The following PTPRD variants were observed in gnomAD, a reference collection of about 807,000 sequenced individuals.
PTPRD encodes the protein receptor-type tyrosine-protein phosphatase delta.
In PTPRD, 34 loss-of-function variants were observed where a neutral mutation model predicts 214.5. The observed-to-expected ratio is 0.16, with a 90% CI of 0.12 to 0.21. The LOEUF (loss-of-function observed/expected upper bound fraction) is 0.21. Ranked by LOEUF, PTPRD falls within the 10% of genes least tolerant of loss-of-function variation. The pLI, the probability that PTPRD is intolerant of heterozygous loss-of-function variation, is 1.00. For missense variants in PTPRD, 2,545 were observed against 2,398.7 expected, an observed-to-expected ratio of 1.06 and a Z score of -1.27; for synonymous variants, 1,128 against 845.7, an observed-to-expected ratio of 1.33 and a Z score of -5.79.
intron 5 of PTPRD, among the ~76,000 whole-genome samples, chr9:9,809,540 AGGCGTGAGCCACTGCTCCCAGCAGG>A (rs1479567822): frequency 6.6e-6 from 1 of 152,218 alleles, no homozygotes; most frequent in African/African-American, 2.4e-5. Context: ...CTGGGATTAC[AGGCGTGAGCCACTGCTCCCAGCAGG>A]ATCAAGTGAT....
At chr9:8,801,242 T>A (rs959613301) in intron 11 of PTPRD, among the ~76,000 whole-genome samples, 1 of 152,180 alleles carries the variant, frequency 6.6e-6, no homozygotes, top group Non-Finnish European at 1.5e-5. Flanking sequence ...ACATAGTAAT[T>A]ACTGGTTCTC....
chr9:10,468,215 A>G (rs540652898), intron 2 of PTPRD, among the ~76,000 whole-genome samples: 2 of 152,306 alleles, frequency 1.3e-5, no homozygotes, highest in African/African-American at 4.8e-5. Flanking sequence ...TGTTTATTGC[A>G]GTACAATTCA....
At chr9:9,306,707 T>C (rs1220006699) in intron 9 of PTPRD, among the ~76,000 whole-genome samples, 1 of 152,156 alleles carries the variant, frequency 6.6e-6, no homozygotes, top group African/African-American at 2.4e-5. Context: ...TGCTATTGAA[T>C]GCATTCTTGG....
rs1046397145 is a variant in PTPRD, at chr9:9,766,817, C to T, written c.-333G>A. ...TATTTTAAATATACTCACCTTTGTC[C>T]AAGGCACATTCTGCTGTGGTCTCAG... On this transcript the variant is annotated 5_prime_UTR_variant, in exon 6 of 46. Transcript: ENST00000381196. 1.3e-5 allele frequency: 2 copies of T among 152,160 alleles called. No homozygotes were observed. Among genetic ancestry groups the T allele is most frequent in the Non-Finnish European group, 2.9e-5 (2 of 67,894 alleles). 9.4% of individuals were successfully genotyped at this position (152,160 alleles called of 1,614,324 possible). A position where few individuals can be genotyped will look rare whatever the true frequency, so the allele number is the denominator to read the frequency against.
At chr9:10,353,041 G>A (rs1159029978) in intron 2 of PTPRD, among the ~76,000 whole-genome samples, 2 of 151,910 alleles carry the variant, frequency 1.3e-5, no homozygotes, top group Non-Finnish European at 2.9e-5. Flanking sequence ...ATGGTAATTT[G>A]CCTTTTAACA....
chr9:9,579,983 T>C (rs1173418552), intron 7 of PTPRD, among the ~76,000 whole-genome samples: 1 of 152,156 alleles, frequency 6.6e-6, no homozygotes, highest in African/African-American at 2.4e-5. Flanking sequence ...GTTGTTTCAC[T>C]TAAGATGATG....
At chr9:8,996,381 G>T (rs187726781) in intron 11 of PTPRD, among the ~76,000 whole-genome samples, 1 of 152,030 alleles carries the variant, frequency 6.6e-6, no homozygotes, top group Non-Finnish European at 1.5e-5. Context: ...CAAGGGTTAC[G>T]TAATGGATGA....
intron 11 of PTPRD, among the ~76,000 whole-genome samples, chr9:8,906,530 A>G (rs1566936202): frequency 6.6e-6 from 1 of 152,238 alleles, no homozygotes; most frequent in Non-Finnish European, 1.5e-5. Context: ...GACGTACTAC[A>G]TTGTAAGAAA....
chr9:10,532,564 T>C (rs1202575419), intron 2 of PTPRD, among the ~76,000 whole-genome samples: 1 of 148,160 alleles, frequency 6.7e-6, no homozygotes, highest in Non-Finnish European at 1.5e-5. Context: ...AAAAGTCCTA[T>C]ATATATACAC....
intron 9 of PTPRD, among the ~76,000 whole-genome samples, chr9:9,250,125 C>T (rs1401913639): frequency 6.6e-6 from 1 of 152,048 alleles, no homozygotes; most frequent in African/African-American, 2.4e-5. Flanking sequence ...TGAACAGTCG[C>T]ATACATACAT....
At position 9,648,836 on chromosome 9, in the gene PTPRD, A is replaced by G. The variant is rs116815917; in HGVS notation, c.-286-74055T>C. Among the ~76,000 whole-genome samples, 383 of 152,294 alleles carry G rather than the reference A, an allele frequency of 2.5e-3. 1 individual carries two copies. The highest frequency in any genetic ancestry group is 8.8e-3 in the African/African-American group (366 of 41,560). On this transcript the variant is annotated intron_variant, in intron 7 of 45. Transcript: ENST00000381196. ...AAAGTTTAATGGCCCACACTCTCAA[A>G]TAAGCTGTAGATGGGAAACAGAAAA...
chr9:8,493,999 G>GACACAC (rs780088083), intron 26 of PTPRD, among the ~76,000 whole-genome samples: 151 of 141,988 alleles, frequency 1.1e-3, no homozygotes, highest in Middle Eastern at 3.6e-3. Context: ...GACACACACA[G>GACACAC]ACACACAGAC....
At chr9:8,666,699 CACTA>C (rs1377187192) in intron 12 of PTPRD, among the ~76,000 whole-genome samples, 1 of 152,172 alleles carries the variant, frequency 6.6e-6, no homozygotes, top group Non-Finnish European at 1.5e-5. Context: ...TTGTACAACA[CACTA>C]AACTCTATTA....
intron 10 of PTPRD, among the ~76,000 whole-genome samples, chr9:9,132,328 T>C (rs202015390): frequency 1.3e-5 from 2 of 152,096 alleles, no homozygotes; most frequent in East Asian, 1.9e-4. Context: ...GTTTTGAAGG[T>C]TGTGAATTTT....
chr9:9,045,467 G>A (rs1175896307), intron 10 of PTPRD, among the ~76,000 whole-genome samples: 1 of 152,110 alleles, frequency 6.6e-6, no homozygotes, highest in East Asian at 1.9e-4. Flanking sequence ...AACAATAAAA[G>A]CTATTGAAGA....
intron 2 of PTPRD, among the ~76,000 whole-genome samples, chr9:10,482,585 G>T (rs1009331149): frequency 6.6e-6 from 1 of 151,826 alleles, no homozygotes; most frequent in Non-Finnish European, 1.5e-5. Context: ...CCCTCAAAAA[G>T]ATTATGATTT....
Position 10,533,911 on chromosome 9 carries a change from G to GT in PTPRD, c.-600+78486dup, listed in dbSNP as rs1194012494. ...TAGTTTCACCTTTTTTTATTAGGAAGTTTTTTTTAATTAAAATTGCTCAGT... is the reference window on the plus strand; with the variant it reads ...TAGTTTCACCTTTTTTTATTAGGAAGTTTTTTTTTAATTAAAATTGCTCAGT... On this transcript the variant is annotated intron_variant, in intron 2 of 45. Coordinates refer to ENST00000381196, the MANE Select transcript of PTPRD (RefSeq NM_002839.4). Among the ~76,000 whole-genome samples the GT allele has an allele frequency of 5.3e-5, 8 of 151,162 alleles. No individual in the cohort carries two copies. In the East Asian group the frequency reaches 7.8e-4, roughly 15 times the overall value.
intron 2 of PTPRD, among the ~76,000 whole-genome samples, chr9:10,584,694 T>G (rs866388679): frequency 6.6e-6 from 1 of 152,134 alleles, no homozygotes; most frequent in East Asian, 1.9e-4. Flanking sequence ...CATATATCAG[T>G]AGAAATAAGT....
intron 10 of PTPRD, among the ~76,000 whole-genome samples, chr9:9,147,317 T>C (rs2099870270): frequency 6.6e-6 from 1 of 151,902 alleles, no homozygotes; most frequent in African/African-American, 2.4e-5. Flanking sequence ...AAAAATGAGT[T>C]TCCTGGGGTG....
Sources: gnomAD v4.1 joint callset for allele counts (sites outside exome capture counted in the v4.1 genomes callset) on GRCh38, gnomAD v4.1.1 for gene constraint, MANE v1.5 for transcripts, NCBI Gene and HGNC (gene_info 2026-07-23, HGNC 2026-07-21) for gene names.